The following PHACTR2 variants were observed in gnomAD, a reference collection of about 807,000 sequenced individuals.
PHACTR2 encodes the protein chromosome 6 open reading frame 56.
A neutral mutation model predicts 76.0 loss-of-function variants in PHACTR2; 30 were observed. The observed-to-expected ratio is 0.39, with a 90% CI of 0.30 to 0.54. The LOEUF (loss-of-function observed/expected upper bound fraction) is 0.54, where lower values mean the gene tolerates loss of function less well. Among genes scored for constraint, PHACTR2 ranks in the 20% least tolerant of loss-of-function variants. The probability of loss-of-function intolerance (pLI) is 0.61; values close to 1 mark genes in which losing one functional copy is unlikely to be tolerated. For synonymous variants in PHACTR2, 292 were observed against 292.5 expected, an observed-to-expected ratio of 1.00 and a Z score of 0.02; for missense variants, 696 against 781.1, an observed-to-expected ratio of 0.89 and a Z score of 1.30.
In PHACTR2 at chr6:143,688,226, G is replaced by A. The variant is rs1777565577; in HGVS notation, c.46+10017G>A. ...GAGAAATGATTATTGCTTTGCCTCC[G>A]GAGATGAGTTGGCCTGCCGCATGCA... On this transcript the variant is annotated intron_variant, in intron 1 of 12. Coordinates refer to ENST00000440869, the MANE Select transcript of PHACTR2 (RefSeq NM_001100164.2). This position sits in a 1 kb window ranked among gnomAD's most constrained non-coding sequence, Gnocchi z 5.2. 6.6e-6 allele frequency among the ~76,000 whole-genome samples: 1 copy of A among 151,832 alleles called. No individual in the cohort carries two copies. The highest frequency in any genetic ancestry group is 2.4e-5 in the African/African-American group (1 of 41,306).
rs1582876506 is a variant in PHACTR2, at chr6:143,783,107, G to A, written c.1646-112G>A. On this transcript the variant is annotated intron_variant, in intron 9 of 12. Coordinates refer to ENST00000440869, the MANE Select transcript of PHACTR2 (RefSeq NM_001100164.2). This position sits in a 1 kb window ranked among gnomAD's most constrained non-coding sequence, Gnocchi z 5.2. ...TGACAACTTTTTAACAATGTTGGTTGTGTGTTTGATCATTATTTGTTAGAG... is the reference window on the plus strand; with the variant it reads ...TGACAACTTTTTAACAATGTTGGTTATGTGTTTGATCATTATTTGTTAGAG... 1 of 635,628 alleles carries A rather than the reference G, an allele frequency of 1.6e-6. No individual in the cohort carries two copies. The highest frequency in any genetic ancestry group is 2.9e-5 in the East Asian group (1 of 34,886). 39.4% of individuals were successfully genotyped at this position (635,628 alleles called of 1,614,324 possible).
chr6:143,588,012 C>A (rs1417374674), intron 1 of PHACTR2, among the ~76,000 whole-genome samples: 1 of 137,656 alleles, frequency 7.3e-6, no homozygotes, highest in African/African-American at 2.7e-5. Context: ...AACTCTGTCT[C>A]TAAAATAAAA....
Position 143,789,972 on chromosome 6 carries a change from G to T in PHACTR2, c.1845+1062G>T, listed in dbSNP as rs1196238955. Reference sequence around the variant, plus strand: ...AGAAGCAGCAGAAGAATATTGAGAAGAAATGTCCGTGAAGTGGGGAAAGAG... The same window carrying T: ...AGAAGCAGCAGAAGAATATTGAGAATAAATGTCCGTGAAGTGGGGAAAGAG... On this transcript the variant is annotated intron_variant, in intron 11 of 12. Transcript: ENST00000440869. This position sits in a 1 kb window ranked among gnomAD's most constrained non-coding sequence, Gnocchi z 5.1. Among the ~76,000 whole-genome samples the T allele has an allele frequency of 6.6e-6, 1 of 152,202 alleles. No individual in the cohort carries two copies. The highest frequency in any genetic ancestry group is 1.9e-4 in the East Asian group (1 of 5,190).
At chr6:143,579,189 C>A (rs1187140253) in intron 1 of PHACTR2, among the ~76,000 whole-genome samples, 1 of 152,182 alleles carries the variant, frequency 6.6e-6, no homozygotes, top group Admixed American at 6.5e-5. Context: ...CAGGCATGAG[C>A]CACTGTGACC....
intron 1 of PHACTR2, among the ~76,000 whole-genome samples, chr6:143,569,362 C>G (rs1775412083): frequency 6.6e-6 from 1 of 152,208 alleles, no homozygotes; most frequent in Non-Finnish European, 1.5e-5. Context: ...CAACAGTCTC[C>G]TTGGAGAATC....
chr6:143,726,957 A>C (rs2128464662), intron 2 of PHACTR2, among the ~76,000 whole-genome samples: 1 of 152,272 alleles, frequency 6.6e-6, no homozygotes, highest in East Asian at 1.9e-4. Flanking sequence ...GGACATTTCA[A>C]ATCCTCTTTT....
Position 143,578,562 on chromosome 6 carries a change from G to A in PHACTR2, c.217+41355G>A, listed in dbSNP as rs867180579. 1.3e-5 allele frequency among the ~76,000 whole-genome samples: 2 copies of A among 152,156 alleles called. No homozygotes were observed. The highest frequency in any genetic ancestry group is 3.4e-3 in the Middle Eastern group (1 of 294). On this transcript the variant is annotated intron_variant, in intron 1 of 11. Coordinates refer to the PHACTR2 transcript ENST00000367584. This position sits in a 1 kb window ranked among gnomAD's most constrained non-coding sequence, Gnocchi z 4.5. ...AAAATCACTCCTGCCAACAAGAAAAGGAGGAAAAGGACCTTTTAAAAAAAT... is the reference window on the plus strand; with the variant it reads ...AAAATCACTCCTGCCAACAAGAAAAAGAGGAAAAGGACCTTTTAAAAAAAT...
chr6:143,685,861 G>GT (rs1033484486), intron 1 of PHACTR2, among the ~76,000 whole-genome samples: 2 of 152,142 alleles, frequency 1.3e-5, no homozygotes, highest in African/African-American at 4.8e-5. Flanking sequence ...GCCGGGCGTG[G>GT]TGGCTCACAC....
Position 143,570,414 on chromosome 6 carries a change from A to G in PHACTR2, c.217+33207A>G, listed in dbSNP as rs1775433878. Among the ~76,000 whole-genome samples, 1 of 152,180 alleles carries G rather than the reference A, an allele frequency of 6.6e-6. No individual in the cohort carries two copies. The highest frequency in any genetic ancestry group is 6.5e-5 in the Admixed American group (1 of 15,274). ...ACTGTGCTGGAGATTAAAATGTGAG[A>G]TGAGGAGTAACACACTTGCCAGTGA... On this transcript the variant is annotated intron_variant, in intron 1 of 11. Coordinates refer to the PHACTR2 transcript ENST00000367584. The surrounding 1 kb of genome is among the most constrained non-coding windows in gnomAD (Gnocchi z 4.6).
intron 2 of PHACTR2, among the ~76,000 whole-genome samples, chr6:143,727,484 G>C (rs76327028): frequency 0.015 from 2,211 of 152,158 alleles, 70 homozygotes; most frequent in African/African-American, 0.05. Flanking sequence ...CCTGGTAGCG[G>C]GATTGCTGGA....
chr6:143,825,810 C>T lies in PHACTR2; in HGVS notation c.*2121C>T, dbSNP rs999768562. ...TGTAAGACATCACCATTTTATCACTCAAAGTATGTTATTGAAAGTTTCTAT... is the reference window on the plus strand; with the variant it reads ...TGTAAGACATCACCATTTTATCACTTAAAGTATGTTATTGAAAGTTTCTAT... On this transcript the variant is annotated 3_prime_UTR_variant, in exon 13 of 13. Coordinates refer to ENST00000440869, the MANE Select transcript of PHACTR2 (RefSeq NM_001100164.2). This position sits in a 1 kb window ranked among gnomAD's most constrained non-coding sequence, Gnocchi z 4.1. 4 of 152,076 alleles carry T rather than the reference C, an allele frequency of 2.6e-5. No homozygotes were observed. Among genetic ancestry groups the T allele is most frequent in the African/African-American group, 9.7e-5 (4 of 41,420 alleles). 9.4% of individuals were successfully genotyped at this position (152,076 alleles called of 1,614,324 possible).
At chr6:143,642,759 A>G (rs1776590862) in intron 1 of PHACTR2, among the ~76,000 whole-genome samples, 1 of 152,166 alleles carries the variant, frequency 6.6e-6, no homozygotes, top group Non-Finnish European at 1.5e-5. Flanking sequence ...CAAACCTAGG[A>G]ATGTCAAAGT....
At chr6:143,643,705 C>T (rs1776606642) in intron 1 of PHACTR2, among the ~76,000 whole-genome samples, 1 of 152,138 alleles carries the variant, frequency 6.6e-6, no homozygotes, top group Non-Finnish European at 1.5e-5. Flanking sequence ...TTAATTTCTG[C>T]TTTTGCTTAC....
intron 2 of PHACTR2, among the ~76,000 whole-genome samples, chr6:143,741,281 G>GCTGGAGAATGAGT (rs1778935712): frequency 6.7e-6 from 1 of 149,268 alleles, no homozygotes. Context: ...GAAGGCTGAG[G>GCTGGAGAATGAGT]CAGGAGTTCA....
intron 1 of PHACTR2, among the ~76,000 whole-genome samples, chr6:143,567,447 GGAGTGCAGTGGCATGATCTC>G (rs1490728078): frequency 2.0e-5 from 3 of 152,088 alleles, no homozygotes; most frequent in Non-Finnish European, 4.4e-5. Context: ...CATCCAGGCT[GGAGTGCAGTGGCATGATCTC>G]AGCTCACTGC....
rs79950557 is a variant in PHACTR2 at position 143,553,185 on chromosome 6, C to T, written c.217+15978C>T. On this transcript the variant is annotated intron_variant, in intron 1 of 11. Transcript: ENST00000367584. The surrounding 1 kb of genome is among the most constrained non-coding windows in gnomAD (Gnocchi z 4.2). ...ATGTGCCAGTGAGAAAACAAAAATC[C>T]AGCTCATAGAGACTGCAGTATAGTG... Among the ~76,000 whole-genome samples, 1 of 152,194 alleles carries T rather than the reference C, an allele frequency of 6.6e-6. No homozygotes were observed. Among genetic ancestry groups the T allele is most frequent in the Non-Finnish European group, 1.5e-5 (1 of 68,036 alleles).
At chr6:143,802,281 C>G (rs527334727) in intron 11 of PHACTR2, among the ~76,000 whole-genome samples, 3 of 152,174 alleles carry the variant, frequency 2.0e-5, no homozygotes, top group African/African-American at 7.2e-5. Flanking sequence ...TACAACCCAG[C>G]ACCATTGGAG....
intron 2 of PHACTR2, among the ~76,000 whole-genome samples, chr6:143,715,371 T>A (rs548774425): frequency 2.6e-5 from 4 of 152,296 alleles, no homozygotes; most frequent in South Asian, 4.1e-4. Context: ...GCCTTAGCCC[T>A]TCTGTTGCTT....
chr6:143,815,988 T>C (rs771275651), intron 12 of PHACTR2, among the ~76,000 whole-genome samples: 20 of 152,170 alleles, frequency 1.3e-4, no homozygotes, highest in Non-Finnish European at 2.6e-4. Flanking sequence ...TATCTTTATC[T>C]GAATTCCATA....
Sources: allele counts gnomAD v4.1 joint callset (sites outside exome capture counted in the v4.1 genomes callset), GRCh38; gene constraint gnomAD v4.1.1; non-coding constraint Gnocchi (gnomAD v3.1); transcripts MANE v1.5; gene names NCBI Gene and HGNC (gene_info 2026-07-23, HGNC 2026-07-21).